Variants in MCF2L observed in about 807,000 individuals in gnomAD.
MCF2L encodes MCF.2 cell line derived transforming sequence like, also known as guanine nucleotide exchange factor DBS.
Under a neutral mutation model 153.4 loss-of-function variants are expected in MCF2L, and 97 were observed. That is an observed-to-expected ratio of 0.63 (90% CI 0.54 to 0.75). MCF2L has a LOEUF of 0.75. Ranked by LOEUF, MCF2L falls within the 30% of genes least tolerant of loss-of-function variation. The pLI is 0.00. For missense variants in MCF2L, 1,347 were observed against 1,495.2 expected (o/e 0.90, Z 1.64); for synonymous variants, 659 against 632.2 (o/e 1.04, Z -0.64).
chr13:113,001,924 G>A (rs775288398), intron 1 of MCF2L: 18 of 1,594,550 alleles, frequency 1.1e-5, no homozygotes, highest in Admixed American at 5.1e-5. Context: ...ACGGTGCGCC[G>A]GCTGTCACTG....
chr13:112,901,399 C>A (rs1418290459), intron 1 of MCF2L, among the ~76,000 whole-genome samples: 1 of 152,172 alleles, frequency 6.6e-6, no homozygotes, highest in Admixed American at 6.5e-5. Flanking sequence ...GGTGATTCGC[C>A]GGCGTCGGCC....
chr13:112,935,755 G>A (rs2081508534), intron 2 of MCF2L, among the ~76,000 whole-genome samples: 1 of 152,204 alleles, frequency 6.6e-6, no homozygotes, highest in Non-Finnish European at 1.5e-5. Context: ...ACATTGAGGA[G>A]AATCTGTAGT....
chr13:113,082,524 T>C lies in MCF2L; in HGVS notation c.1973T>C (p.Ile658Thr). The change falls in exon 17 of 30, where the codon ATC becomes ACC. Residue 658 changes from isoleucine to threonine, a missense_variant. Physicochemically the swap from Ile to Thr is moderately conservative, Grantham distance 89. This residue lies in a region of MCF2L where 820 missense variants were observed against 921.2 expected (regional missense o/e 0.89). Coordinates refer to ENST00000535094, the MANE Select transcript of MCF2L (RefSeq NM_001112732.3). ...GTTTTGTTTGGAAACATGGAGGAAA[T>C]CTATCACTTCCACAACAGGTGGGCC... ...KDVLFGNMEE[I>T]YHFHNRIFLR... is the part of the protein sequence containing the mutation. 1 of 1,612,902 alleles carries C rather than the reference T, an allele frequency of 6.2e-7. No individual in the cohort carries two copies. The highest frequency in any genetic ancestry group is 8.5e-7 in the Non-Finnish European group (1 of 1,179,022).
chr13:112,968,098 T>TTC (rs533754876), upstream of MCF2L: 760 of 200,176 alleles, frequency 3.8e-3, 10 homozygotes, highest in Admixed American at 0.029. Context: ...CCTGCTGGAA[T>TTC]TCTCTCTCTC....
chr13:112,899,102 C>T (rs568047931), intron 1 of MCF2L, among the ~76,000 whole-genome samples: 1 of 152,386 alleles, frequency 6.6e-6, no homozygotes, highest in East Asian at 1.9e-4. Flanking sequence ...GTCCTCGGCA[C>T]CTGCGTCATA....
In MCF2L at chr13:112,969,319, C is replaced by A; in HGVS notation, c.-61C>A. 2 of 1,544,828 alleles carry A rather than the reference C, an allele frequency of 1.3e-6. No individual in the cohort carries two copies. The highest frequency in any genetic ancestry group is 1.7e-6 in the Non-Finnish European group (2 of 1,143,398). On this transcript the variant is annotated 5_prime_UTR_variant, in exon 1 of 30. Coordinates refer to ENST00000535094, the MANE Select transcript of MCF2L (RefSeq NM_001112732.3). The surrounding 1 kb of genome is among the most constrained non-coding windows in gnomAD (Gnocchi z 4.8). ...CCCTCCGCACTCGCACGGCCCCACC[C>A]GCAGGCGCCCCCCGTGCGGAGGAAG... is the stretch of plus-strand genomic sequence containing the variant.
chr13:112,987,057 G>C (rs896908479), intron 1 of MCF2L, among the ~76,000 whole-genome samples: 1 of 152,184 alleles, frequency 6.6e-6, no homozygotes, highest in African/African-American at 2.4e-5. Flanking sequence ...CTGGGCTGCC[G>C]CATTTCCATC....
At chr13:112,909,460 C>T (rs2081207927) in intron 2 of MCF2L, 13 of 618,990 alleles carry the variant, frequency 2.1e-5, no homozygotes, top group Admixed American at 5.1e-5. Context: ...CCTGTGCAAA[C>T]GTCTTCGTCA....
rs543034030 is a variant in MCF2L, at chr13:113,017,069, G to A, written c.163+2223G>A. 2.6e-5 allele frequency among the ~76,000 whole-genome samples: 4 copies of A among 152,336 alleles called. No homozygotes were observed. In the South Asian group the frequency reaches 8.3e-4, roughly 32 times the overall value. ...CTGAGAAGGATCAGTGTCGGCTGGC[G>A]CTTCTCCTGCAGATGTGCGCGGATT... On this transcript the variant is annotated intron_variant, in intron 2 of 29. Transcript: ENST00000535094.
chr13:112,896,188 C>A (rs192455073), intron 1 of MCF2L, among the ~76,000 whole-genome samples: 5 of 152,334 alleles, frequency 3.3e-5, no homozygotes, highest in Admixed American at 2.6e-4. Context: ...ATCATCCTCA[C>A]CAAGGTGATG....
intron 4 of MCF2L, among the ~76,000 whole-genome samples, chr13:113,048,823 C>G (rs566120465): frequency 1.3e-5 from 2 of 152,286 alleles, no homozygotes; most frequent in African/African-American, 4.8e-5. Context: ...CTGGGCATCA[C>G]GGATGTGAGG....
At position 113,099,459 on chromosome 13, in the gene MCF2L, G is replaced by C. The variant is rs2035836447; in HGVS notation, c.*2600G>C. On this transcript the variant is annotated 3_prime_UTR_variant, in exon 30 of 30. Coordinates refer to ENST00000535094, the MANE Select transcript of MCF2L (RefSeq NM_001112732.3). ...ACAGCGTGCACAGAGCCACGGGAGG[G>C]AGCAGCCACGGCCAGCTCAGATTGG... 6.6e-6 allele frequency: 1 copy of C among 152,218 alleles called. No individual in the cohort carries two copies. The highest frequency in any genetic ancestry group is 2.4e-5 in the African/African-American group (1 of 41,436). 9.4% of individuals were successfully genotyped at this position (152,218 alleles called of 1,614,324 possible). A position where few individuals can be genotyped will look rare whatever the true frequency, so the allele number is the denominator to read the frequency against.
intron 2 of MCF2L, among the ~76,000 whole-genome samples, chr13:112,915,582 C>G (rs1022914214): frequency 2.0e-5 from 3 of 151,942 alleles, no homozygotes; most frequent in Admixed American, 6.6e-5. Flanking sequence ...CTGGTGGTCT[C>G]GTTTCACTGC....
chr13:112,933,240 C>T (rs889295884), intron 2 of MCF2L, among the ~76,000 whole-genome samples: 9 of 152,192 alleles, frequency 5.9e-5, no homozygotes, highest in African/African-American at 9.7e-5. Flanking sequence ...CCCAGGCTGC[C>T]GTCTCCTTGG....
intron 2 of MCF2L, among the ~76,000 whole-genome samples, chr13:113,018,607 G>A (rs1379616724): frequency 1.3e-5 from 2 of 152,164 alleles, no homozygotes; most frequent in African/African-American, 2.4e-5. Context: ...CGAGGAGGTC[G>A]TGGTCTCAGA....
intron 1 of MCF2L, among the ~76,000 whole-genome samples, chr13:112,988,251 T>A (rs1319736291): frequency 2.6e-5 from 4 of 151,994 alleles, no homozygotes; most frequent in Non-Finnish European, 4.4e-5. Flanking sequence ...TTTTTTTTTT[T>A]AATTCTACAT....
At chr13:113,001,839 C>G (rs931652901) in intron 1 of MCF2L, 2 of 1,515,656 alleles carry the variant, frequency 1.3e-6, no homozygotes, top group Admixed American at 2.0e-5. Context: ...GCTGGTGCTG[C>G]GCCATCCTTT....
chr13:113,086,112 C>A lies in MCF2L; in HGVS notation c.2248-12C>A. On this transcript the variant is annotated splice_polypyrimidine_tract_variant and intron_variant, in intron 20 of 29. Coordinates refer to ENST00000535094, the MANE Select transcript of MCF2L (RefSeq NM_001112732.3). The stretch of plus-strand genomic sequence containing the variant: ...GTGTCCCGACGCGGTTGCCTCACCC[C>A]ATGCCCCTCAGGAAATGCTGAAATA... The A allele has an allele frequency of 6.2e-7, 1 of 1,602,462 alleles. No individual in the cohort carries two copies. Among genetic ancestry groups the A allele is most frequent in the South Asian group, 1.1e-5 (1 of 89,816 alleles).
At position 113,051,489 on chromosome 13, in the gene MCF2L, G is replaced by A. The variant is rs79819650; in HGVS notation, c.369+6128G>A. ...GCTCCTCCCACCTAAGGGTGGATTTGACAGCCTTGGGGTATCCAGCAGGGG... is the reference window on the plus strand; with the variant it reads ...GCTCCTCCCACCTAAGGGTGGATTTAACAGCCTTGGGGTATCCAGCAGGGG... On this transcript the variant is annotated intron_variant, in intron 4 of 29. Transcript: ENST00000535094. Among the ~76,000 whole-genome samples, 1,307 of 152,342 alleles carry A rather than the reference G, an allele frequency of 8.6e-3. 16 individuals are homozygous for A. The highest frequency in any genetic ancestry group is 0.029 in the African/African-American group (1,222 of 41,584).
Sources: gnomAD v4.1 joint callset for allele counts (sites outside exome capture counted in the v4.1 genomes callset) on GRCh38, gnomAD v4.1.1 for gene constraint, gnomAD v4.1.1 regional missense constraint, Gnocchi (gnomAD v3.1) non-coding constraint, MANE v1.5 for transcripts, NCBI Gene and HGNC (gene_info 2026-07-23, HGNC 2026-07-21) for gene names.